SLC35F3: variants seen among roughly 807,000 people sequenced by gnomAD.
SLC35F3 encodes the protein solute carrier family 35 member F3, also known as putative thiamine transporter SLC35F3.
Under a neutral mutation model 49.9 loss-of-function variants are expected in SLC35F3, and 25 were observed. That is an observed-to-expected ratio of 0.50 (90% confidence interval 0.37 to 0.70). The LOEUF is 0.70. SLC35F3 is among the 30% of genes least tolerant of loss of function. The probability of loss-of-function intolerance (pLI) is 0.00; values close to 1 mark genes in which losing one functional copy is unlikely to be tolerated. For synonymous variants in SLC35F3, 275 were observed against 265.4 expected (o/e 1.04, Z -0.35); for missense variants, 525 against 639.8 (o/e 0.82, Z 1.94).
rs1305953594 is a variant in SLC35F3 at position 233,935,258 on chromosome 1, G to T, written c.283+29500G>T. Among the ~76,000 whole-genome samples, 8 of 118,698 alleles carry T rather than the reference G, an allele frequency of 6.7e-5. No homozygotes were observed. The Admixed American group carries it at 9.4e-4, about 14-fold the overall frequency. 77.9% of individuals were successfully genotyped at this position (118,698 alleles called of 152,430 possible). The stretch of plus-strand genomic sequence containing the variant: ...CATGATTGAATACTGGCTATTGTGT[G>T]GAAAAGAACAGAAGAGACTGAGCCA... On this transcript the variant is annotated intron_variant, in intron 2 of 7. Coordinates refer to ENST00000366618, the MANE Select transcript of SLC35F3 (RefSeq NM_173508.4).
chr1:233,960,855 T>A (rs12131974), intron 2 of SLC35F3, among the ~76,000 whole-genome samples: 1,613 of 152,068 alleles, frequency 0.011, 8 homozygotes, highest in Non-Finnish European at 0.017. Context: ...ACTCATTTTC[T>A]CCATTAGCTG....
chr1:234,107,859 T>A (rs978504475), intron 2 of SLC35F3, among the ~76,000 whole-genome samples: 2 of 152,160 alleles, frequency 1.3e-5, no homozygotes, highest in Non-Finnish European at 2.9e-5. Context: ...CAAAGTACAC[T>A]TTATAGAAAA....
intron 2 of SLC35F3, among the ~76,000 whole-genome samples, chr1:233,988,741 C>T (rs1663305620): frequency 6.6e-6 from 1 of 152,322 alleles, no homozygotes; most frequent in Middle Eastern, 3.4e-3. Context: ...TGTTCTTGTG[C>T]AGTTTTGTCC....
intron 2 of SLC35F3, among the ~76,000 whole-genome samples, chr1:233,966,586 C>A (rs12734131): frequency 0.2 from 30,986 of 152,116 alleles, 3,382 homozygotes; most frequent in East Asian, 0.37. Flanking sequence ...AACTCTTGCT[C>A]CCTAGCCAGC....
chr1:234,258,225 T>C (rs1667850940), intron 3 of SLC35F3, among the ~76,000 whole-genome samples: 1 of 152,144 alleles, frequency 6.6e-6, no homozygotes, highest in Admixed American at 6.5e-5. Flanking sequence ...GAAATCATAA[T>C]GGGGGGTCAA....
chr1:233,966,507 C>A (rs112211650), intron 2 of SLC35F3, among the ~76,000 whole-genome samples: 8 of 152,228 alleles, frequency 5.3e-5, no homozygotes, highest in African/African-American at 1.9e-4. Flanking sequence ...TGGATGGGGA[C>A]ACCCTAATCA....
rs1667763737 is a variant in SLC35F3, at chr1:234,253,136, G to A, written c.608+21395G>A. Among the ~76,000 whole-genome samples, 4 of 152,048 alleles carry A rather than the reference G, an allele frequency of 2.6e-5. No homozygotes were observed. In the South Asian group the frequency reaches 8.3e-4, roughly 32 times the overall value. On this transcript the variant is annotated intron_variant, in intron 3 of 7. Coordinates refer to ENST00000366618, the MANE Select transcript of SLC35F3 (RefSeq NM_173508.4). The stretch of plus-strand genomic sequence containing the variant: ...AGGTCAGGAGTTCGAGACCAGCCTG[G>A]CCAATATGATGAAACCCTGTCTCTA...
intron 3 of SLC35F3, among the ~76,000 whole-genome samples, chr1:234,289,490 G>A (rs1353432057): frequency 6.6e-6 from 1 of 152,118 alleles, no homozygotes; most frequent in African/African-American, 2.4e-5. Context: ...TCCAAGAAGG[G>A]CCTTCCCACA....
chr1:234,114,129 G>C (rs1273438502), intron 2 of SLC35F3, among the ~76,000 whole-genome samples: 1 of 152,168 alleles, frequency 6.6e-6, no homozygotes, highest in South Asian at 2.1e-4. Flanking sequence ...AGATACACAC[G>C]ATAGTCTTAT....
At chr1:234,238,478 A>G (rs1036850682) in intron 3 of SLC35F3, among the ~76,000 whole-genome samples, 7 of 152,250 alleles carry the variant, frequency 4.6e-5, no homozygotes, top group Non-Finnish European at 1.5e-5. Context: ...GAAATGAAAC[A>G]GAACATCGTC....
intron 2 of SLC35F3, among the ~76,000 whole-genome samples, chr1:234,171,952 A>AC (rs995500172): frequency 2.6e-5 from 4 of 151,188 alleles, no homozygotes; most frequent in African/African-American, 9.7e-5. Flanking sequence ...TATCCCCCTC[A>AC]CCCCCCACCG....
At chr1:234,109,960 C>G (rs10495342) in intron 2 of SLC35F3, among the ~76,000 whole-genome samples, 24,215 of 152,164 alleles carry the variant, frequency 0.16, 2,419 homozygotes, top group Admixed American at 0.23. Context: ...TAGAGAACAG[C>G]AACTAGCTCT....
At chr1:234,201,939 T>C (rs1173283428) in intron 2 of SLC35F3, among the ~76,000 whole-genome samples, 1 of 144,430 alleles carries the variant, frequency 6.9e-6, no homozygotes, top group Admixed American at 7.0e-5. Flanking sequence ...AAAGAAGGAG[T>C]TAAGGTGTGT....
intron 3 of SLC35F3, among the ~76,000 whole-genome samples, chr1:234,245,563 C>A (rs957000085): frequency 1.3e-5 from 2 of 152,240 alleles, no homozygotes; most frequent in African/African-American, 2.4e-5. Flanking sequence ...ACAAACTAAT[C>A]TGAACCTTAA....
chr1:234,321,615 T>C (rs577986977), intron 7 of SLC35F3, among the ~76,000 whole-genome samples: 16 of 152,324 alleles, frequency 1.1e-4, no homozygotes, highest in African/African-American at 3.8e-4. Context: ...GAAACTTCCT[T>C]TCAGCGTATA....
At chr1:234,289,485 G>A (rs1048118850) in intron 3 of SLC35F3, among the ~76,000 whole-genome samples, 1 of 152,148 alleles carries the variant, frequency 6.6e-6, no homozygotes, top group South Asian at 2.1e-4. Flanking sequence ...GGAAATCCAA[G>A]AAGGGCCTTC....
At chr1:234,108,726 A>T (rs1402290604) in intron 2 of SLC35F3, among the ~76,000 whole-genome samples, 15 of 72,168 alleles carry the variant, frequency 2.1e-4, no homozygotes, top group South Asian at 6.4e-4. Context: ...GATATATATA[A>T]ATATATATAT....
At chr1:234,010,135 A>C (rs1558204423) in intron 2 of SLC35F3, among the ~76,000 whole-genome samples, 1 of 152,242 alleles carries the variant, frequency 6.6e-6, no homozygotes, top group Non-Finnish European at 1.5e-5. Context: ...GAGGCTTAAA[A>C]GAAAAATTAT....
chr1:234,162,238 G>T (rs1488071328), intron 2 of SLC35F3, among the ~76,000 whole-genome samples: 2 of 151,818 alleles, frequency 1.3e-5, no homozygotes, highest in Non-Finnish European at 2.9e-5. Flanking sequence ...ATGGAGTGTG[G>T]GAAGTCTGTG....
Sources: allele counts gnomAD v4.1 joint callset (sites outside exome capture counted in the v4.1 genomes callset), GRCh38; gene constraint gnomAD v4.1.1; transcripts MANE v1.5; gene names NCBI Gene and HGNC (gene_info 2026-07-23, HGNC 2026-07-21).